The following TMEM132E variants were observed in gnomAD, a reference collection of about 807,000 sequenced individuals.
TMEM132E encodes the protein transmembrane protein 132E.
In TMEM132E, 49 loss-of-function variants were observed where a neutral mutation model predicts 78.5. That is an observed-to-expected ratio of 0.62 (90% CI 0.50 to 0.79). TMEM132E has a LOEUF of 0.79. TMEM132E is among the 30% of genes least tolerant of loss of function. The probability of loss-of-function intolerance (pLI) is 0.00; values close to 1 mark genes in which losing one functional copy is unlikely to be tolerated. For missense variants in TMEM132E, 1,403 were observed against 1,470.9 expected (o/e 0.95, Z 0.75); for synonymous variants, 715 against 670.6 (o/e 1.07, Z -1.02).
chr17:34,597,160 G>A (rs1906087710), intron 1 of TMEM132E, among the ~76,000 whole-genome samples: 1 of 152,138 alleles, frequency 6.6e-6, no homozygotes, highest in South Asian at 2.1e-4. Flanking sequence ...CCAGACTGGG[G>A]AGTTTCCCAG....
chr17:34,608,020 T>C (rs1906471564), intron 1 of TMEM132E, among the ~76,000 whole-genome samples: 1 of 152,214 alleles, frequency 6.6e-6, no homozygotes, highest in Non-Finnish European at 1.5e-5. Flanking sequence ...ATTGGCTCAG[T>C]CTCCAGCTCT....
intron 1 of TMEM132E, among the ~76,000 whole-genome samples, chr17:34,623,953 C>A (rs1907044417): frequency 6.6e-6 from 1 of 152,216 alleles, no homozygotes; most frequent in Non-Finnish European, 1.5e-5. Context: ...CCCCACCCCA[C>A]CATCAGCTCC....
chr17:34,594,888 A>G (rs766877843), intron 1 of TMEM132E, among the ~76,000 whole-genome samples: 26 of 152,216 alleles, frequency 1.7e-4, no homozygotes, highest in Non-Finnish European at 1.0e-4. Flanking sequence ...AGGTGTGAGC[A>G]TGTTTTTGAA....
At position 34,579,691 on chromosome 17, in the gene TMEM132E, C is replaced by T. The variant is rs924166056; in HGVS notation, c.-1386C>T. ...CCACCTCCTCTTCCTTTTTGCTCCT[C>T]GATTCTTCTTCTTCCCCCACACACG... On this transcript the variant is annotated 5_prime_UTR_variant, in exon 1 of 9. Coordinates refer to ENST00000631683, the MANE Select transcript of TMEM132E (RefSeq NM_001304438.2). 1 of 154,936 alleles carries T rather than the reference C, an allele frequency of 6.5e-6. No homozygotes were observed. Among genetic ancestry groups the T allele is most frequent in the Non-Finnish European group, 1.4e-5 (1 of 69,964 alleles). The allele number at this position is 154,936 out of a possible 1,614,324, so 9.6% of individuals were successfully genotyped here.
chr17:34,605,624 G>A (rs941695259), intron 1 of TMEM132E, among the ~76,000 whole-genome samples: 9 of 152,196 alleles, frequency 5.9e-5, no homozygotes, highest in Non-Finnish European at 1.3e-4. Context: ...AGGATTCCAA[G>A]CATCTAGGAA....
chr17:34,609,387 G>A (rs1906517897), intron 1 of TMEM132E, among the ~76,000 whole-genome samples: 1 of 152,190 alleles, frequency 6.6e-6, no homozygotes, highest in South Asian at 2.1e-4. Context: ...CATCAGGTGA[G>A]GGGAGTGGCA....
chr17:34,581,122 C>T lies in TMEM132E; in HGVS notation c.46C>T (p.Leu16Phe). Residue 16 changes from leucine to phenylalanine, a missense_variant, in exon 1 of 9, where the codon CTC becomes TTC. Physicochemically the swap from Leu to Phe is conservative, Grantham distance 22. This residue lies in a region of TMEM132E where 511 missense variants were observed against 499.0 expected (regional missense o/e 1.02). Coordinates refer to ENST00000631683, the MANE Select transcript of TMEM132E (RefSeq NM_001304438.2). ...CCGCGGCGGCGCCGCCCTGCTCTGC[C>T]TCTCAGCGCTACTCGCCCACGGTAA... ...SGRGGAALLC[L>F]SALLAHASGR... The T allele has an allele frequency of 6.5e-7, 1 of 1,528,670 alleles. No homozygotes were observed. The allele number at this position is 1,528,670 out of a possible 1,614,324, so 94.7% of individuals were successfully genotyped here.
intron 1 of TMEM132E, among the ~76,000 whole-genome samples, chr17:34,609,737 T>A (rs570427113): frequency 4.7e-4 from 72 of 152,226 alleles, no homozygotes; most frequent in South Asian, 2.1e-3. Flanking sequence ...TTTGCAACAG[T>A]CTATGTGAAA....
chr17:34,612,227 G>T (rs1023843511), intron 1 of TMEM132E, among the ~76,000 whole-genome samples: 2 of 152,182 alleles, frequency 1.3e-5, no homozygotes, highest in African/African-American at 4.8e-5. Flanking sequence ...GGCCACTGAA[G>T]ACACTAGGAA....
intron 1 of TMEM132E, among the ~76,000 whole-genome samples, chr17:34,613,218 C>CGCGT (rs1481802498): frequency 6.6e-6 from 1 of 151,140 alleles, no homozygotes; most frequent in Non-Finnish European, 1.5e-5. Flanking sequence ...CACACGCGCG[C>CGCGT]GCGCGCGCGT....
intron 1 of TMEM132E, among the ~76,000 whole-genome samples, chr17:34,595,577 G>A (rs1292893373): frequency 6.6e-6 from 1 of 152,172 alleles, no homozygotes; most frequent in South Asian, 2.1e-4. Context: ...TAAAGTCAAA[G>A]AAACATGGGA....
chr17:34,585,742 TAATC>T (rs2142048291), intron 1 of TMEM132E, among the ~76,000 whole-genome samples: 1 of 152,358 alleles, frequency 6.6e-6, no homozygotes, highest in Admixed American at 6.5e-5. Flanking sequence ...GCAGTCATGA[TAATC>T]AATTACTAGT....
intron 1 of TMEM132E, among the ~76,000 whole-genome samples, chr17:34,591,307 A>ATTTTTT (rs60612426): frequency 4.8e-5 from 7 of 146,676 alleles, no homozygotes; most frequent in African/African-American, 1.8e-4. Flanking sequence ...CTCCCTCACT[A>ATTTTTT]TTTTTTTTTT....
intron 1 of TMEM132E, among the ~76,000 whole-genome samples, chr17:34,602,054 A>G (rs1399160109): frequency 6.6e-6 from 1 of 152,180 alleles, no homozygotes; most frequent in African/African-American, 2.4e-5. Context: ...TCCTGCTACC[A>G]TGGCCCCCTG....
At chr17:34,635,952 G>C in intron 7 of TMEM132E, 55 bp from the exon 8 acceptor site, 1 of 1,332,278 alleles carries the variant, frequency 7.5e-7, no homozygotes, top group Admixed American at 3.9e-5. Context: ...GGGGGTCTTG[G>C]GCAGGGGGGT....
At chr17:34,628,459 A>C in intron 2 of TMEM132E, 104 bp from the exon 3 acceptor site, 1 of 1,350,934 alleles carries the variant, frequency 7.4e-7, no homozygotes, top group Non-Finnish European at 1.0e-6. Flanking sequence ...AACTTAGCTT[A>C]TCTGTTCCCC....
Position 34,586,702 on chromosome 17 carries a change from G to A in TMEM132E, c.67+5559G>A, listed in dbSNP as rs141546366. Among the ~76,000 whole-genome samples the A allele has an allele frequency of 3.3e-3, 495 of 152,136 alleles. 2 individuals are homozygous for A. The highest frequency in any genetic ancestry group is 4.7e-3 in the Non-Finnish European group (323 of 68,000). On this transcript the variant is annotated intron_variant, in intron 1 of 8. Coordinates refer to ENST00000631683, the MANE Select transcript of TMEM132E (RefSeq NM_001304438.2). Reference sequence around the variant, plus strand: ...CACACTTCCATCCCAGGCCCTGCTGGCTAGCAGACAACCCAGCAAGATGAA... The same window carrying A: ...CACACTTCCATCCCAGGCCCTGCTGACTAGCAGACAACCCAGCAAGATGAA...
intron 1 of TMEM132E, among the ~76,000 whole-genome samples, chr17:34,601,219 T>C (rs1222910499): frequency 1.3e-5 from 2 of 152,054 alleles, no homozygotes; most frequent in African/African-American, 4.8e-5. Context: ...GCAGAGCGGG[T>C]CCAGAGGCCT....
intron 1 of TMEM132E, among the ~76,000 whole-genome samples, chr17:34,606,780 T>A (rs1906424792): frequency 6.6e-6 from 1 of 152,222 alleles, no homozygotes; most frequent in South Asian, 2.1e-4. Context: ...GAGACATGGC[T>A]GTTTCAGTTT....
Sources: allele counts gnomAD v4.1 joint callset (sites outside exome capture counted in the v4.1 genomes callset), GRCh38; gene constraint gnomAD v4.1.1; regional missense constraint gnomAD v4.1.1; transcripts MANE v1.5; gene names NCBI Gene and HGNC (gene_info 2026-07-23, HGNC 2026-07-21).